TBC1D5: variants seen among roughly 807,000 people sequenced by gnomAD.
TBC1D5 encodes the protein TBC1 domain family member 5, also known as TBC1 domain family, member 5.
A neutral mutation model predicts 100.3 loss-of-function variants in TBC1D5; 75 were observed. The ratio of observed to expected loss-of-function variants is 0.75; its 90% CI spans 0.62 to 0.91. TBC1D5 has a LOEUF of 0.91. Ranked by LOEUF, TBC1D5 falls within the 40% of genes least tolerant of loss-of-function variation. The pLI, the probability that TBC1D5 is intolerant of heterozygous loss-of-function variation, is 0.00. For synonymous variants in TBC1D5, 323 were observed against 325.6 expected, an observed-to-expected ratio of 0.99 and a Z score of 0.09; for missense variants, 910 against 942.4, an observed-to-expected ratio of 0.97 and a Z score of 0.45.
chr3:17,642,023 T>A (rs2064558895), intron 1 of TBC1D5, among the ~76,000 whole-genome samples: 1 of 152,184 alleles, frequency 6.6e-6, no homozygotes, highest in African/African-American at 2.4e-5. Flanking sequence ...TATTAATTAT[T>A]GAGTAAGACC....
intron 13 of TBC1D5, among the ~76,000 whole-genome samples, chr3:17,312,413 G>A (rs2084137680): frequency 6.6e-6 from 1 of 152,066 alleles, no homozygotes; most frequent in Admixed American, 6.6e-5. Flanking sequence ...ATGCCTTGAA[G>A]ATATATTTGA....
chr3:17,164,347 GA>G (rs1188644509), intron 21 of TBC1D5, among the ~76,000 whole-genome samples: 1 of 152,222 alleles, frequency 6.6e-6, no homozygotes. Flanking sequence ...GATTAACCAA[GA>G]AAGCACCGAA....
At chr3:17,647,764 T>G (rs1225868345) in intron 1 of TBC1D5, among the ~76,000 whole-genome samples, 1 of 152,138 alleles carries the variant, frequency 6.6e-6, no homozygotes, top group Non-Finnish European at 1.5e-5. Context: ...CAGTTGAACT[T>G]CTTAGTAGCC....
chr3:17,569,402 A>C (rs1457995420), intron 2 of TBC1D5, among the ~76,000 whole-genome samples: 1 of 151,926 alleles, frequency 6.6e-6, no homozygotes, highest in East Asian at 1.9e-4. Context: ...GCAACTATAT[A>C]GATATGAAAT....
chr3:17,296,220 C>T (rs1412773133), intron 14 of TBC1D5, among the ~76,000 whole-genome samples: 1 of 151,948 alleles, frequency 6.6e-6, no homozygotes, highest in Admixed American at 6.6e-5. Flanking sequence ...AATGAGCTAA[C>T]AAAAAAGAAA....
intron 15 of TBC1D5, among the ~76,000 whole-genome samples, chr3:17,288,677 T>G (rs1460443254): frequency 6.6e-6 from 1 of 152,102 alleles, no homozygotes; most frequent in Non-Finnish European, 1.5e-5. Flanking sequence ...CAACTTCGGG[T>G]AGAGGACCAC....
At chr3:17,717,850 C>G (rs1006185009) in intron 1 of TBC1D5, among the ~76,000 whole-genome samples, 2 of 152,148 alleles carry the variant, frequency 1.3e-5, no homozygotes, top group South Asian at 2.1e-4. Flanking sequence ...TAATAACCAC[C>G]TTTACACTTA....
chr3:17,571,345 A>G (rs2096625866), intron 2 of TBC1D5, among the ~76,000 whole-genome samples: 1 of 151,930 alleles, frequency 6.6e-6, no homozygotes, highest in Admixed American at 6.6e-5. Context: ...TTTTATTCTC[A>G]ATTCACACGA....
intron 13 of TBC1D5, among the ~76,000 whole-genome samples, chr3:17,315,860 G>A (rs963235181): frequency 2.7e-4 from 41 of 152,172 alleles, no homozygotes; most frequent in African/African-American, 9.7e-4. Flanking sequence ...ACGGGCGGGG[G>A]GAGGCTTCAG....
intron 3 of TBC1D5, among the ~76,000 whole-genome samples, chr3:17,458,382 A>C (rs939801522): frequency 2.0e-5 from 3 of 152,170 alleles, no homozygotes; most frequent in African/African-American, 2.4e-5. Context: ...ATTCCCCCTC[A>C]GGCTATGGCT....
intron 8 of TBC1D5, among the ~76,000 whole-genome samples, chr3:17,399,363 G>GT (rs2093590619): frequency 6.6e-6 from 1 of 152,026 alleles, no homozygotes; most frequent in African/African-American, 2.4e-5. Context: ...TGGGCAGGAG[G>GT]TAAAAAGGAT....
intron 1 of TBC1D5, among the ~76,000 whole-genome samples, chr3:17,640,316 A>T (rs2064373193): frequency 6.6e-6 from 1 of 152,208 alleles, no homozygotes; most frequent in Non-Finnish European, 1.5e-5. Context: ...TATCTGAATT[A>T]AAACTAATAA....
chr3:17,353,653 G>C (rs190409717), intron 13 of TBC1D5, among the ~76,000 whole-genome samples: 2 of 151,886 alleles, frequency 1.3e-5, no homozygotes, highest in African/African-American at 4.8e-5. Context: ...AAGCCAAAAG[G>C]TTAAGATTCT....
intron 3 of TBC1D5, among the ~76,000 whole-genome samples, chr3:17,480,654 T>C (rs1014321522): frequency 2.0e-5 from 3 of 152,150 alleles, no homozygotes; most frequent in Non-Finnish European, 2.9e-5. Context: ...AGAAAGGAGC[T>C]ACCCACTGCA....
At chr3:17,258,717 AGT>A (rs2077987575) in intron 15 of TBC1D5, 126 bp from the exon 16 acceptor site, 2 of 597,500 alleles carry the variant, frequency 3.3e-6, no homozygotes, top group Non-Finnish European at 5.2e-6. Context: ...TTTAATAATT[AGT>A]GTGATTGGGT....
intron 3 of TBC1D5, among the ~76,000 whole-genome samples, chr3:17,506,303 A>G (rs1015056055): frequency 6.6e-6 from 1 of 152,230 alleles, no homozygotes; most frequent in Non-Finnish European, 1.5e-5. Context: ...ATATTTACCT[A>G]TACAATGCAC....
At chr3:17,452,902 C>T (rs2094959867) in intron 3 of TBC1D5, among the ~76,000 whole-genome samples, 1 of 151,588 alleles carries the variant, frequency 6.6e-6, no homozygotes, top group Admixed American at 6.6e-5. Flanking sequence ...CCAGGATAGA[C>T]CATATGTTAG....
intron 3 of TBC1D5, among the ~76,000 whole-genome samples, chr3:17,467,286 C>CTTTTTTTTTTTTTTTT (rs11299814): frequency 8.2e-6 from 1 of 121,288 alleles, no homozygotes; most frequent in African/African-American, 3.2e-5. Flanking sequence ...GCCAGACCTT[C>CTTTTTTTTTTTTTTTT]TTTTTTTTTT....
At chr3:17,163,167 TCCC>T (rs1374886860) in intron 21 of TBC1D5, among the ~76,000 whole-genome samples, 1 of 151,858 alleles carries the variant, frequency 6.6e-6, no homozygotes. Flanking sequence ...CTGGCATGCT[TCCC>T]CCAATTCCCA....
Sources: allele counts gnomAD v4.1 joint callset (sites outside exome capture counted in the v4.1 genomes callset), GRCh38; gene constraint gnomAD v4.1.1; transcripts MANE v1.5; gene names NCBI Gene and HGNC (gene_info 2026-07-23, HGNC 2026-07-21).